HECW1: variants seen among roughly 807,000 people sequenced by gnomAD.
The protein encoded by HECW1 is E3 ubiquitin-protein ligase HECW1.
Under a neutral mutation model 182.3 loss-of-function variants are expected in HECW1, and 61 were observed. That is an observed-to-expected ratio of 0.33 (90% confidence interval 0.27 to 0.41). HECW1 has a LOEUF of 0.41. Ranked by LOEUF, HECW1 falls within the 10% of genes least tolerant of loss-of-function variation. The probability of loss-of-function intolerance (pLI) is 1.00; values close to 1 mark genes in which losing one functional copy is unlikely to be tolerated. For synonymous variants in HECW1, 859 were observed against 832.6 expected, an observed-to-expected ratio of 1.03 and a Z score of -0.55; for missense variants, 1,739 against 2,108.9, an observed-to-expected ratio of 0.82 and a Z score of 3.44.
rs907345349 is a variant in HECW1, at chr7:43,554,585, C to A, written c.4511-7C>A. On this transcript the variant is annotated splice_region_variant and splice_polypyrimidine_tract_variant and intron_variant, in intron 28 of 29. Coordinates refer to ENST00000395891, the MANE Select transcript of HECW1 (RefSeq NM_015052.5). The stretch of plus-strand genomic sequence containing the variant: ...CCTGTCTTCCTCCCTCCCTTTGCCT[C>A]GTGCAGGTTACCACGATGGGCATCT... 2.5e-6 allele frequency: 4 copies of A among 1,609,674 alleles called. No individual in the cohort carries two copies. The highest frequency in any genetic ancestry group is 1.3e-5 in the African/African-American group (1 of 74,872).
chr7:43,315,459 ATTATTG>A (rs570304945), intron 4 of HECW1, among the ~76,000 whole-genome samples: 12,430 of 110,466 alleles, frequency 0.11, 1,659 homozygotes, highest in African/African-American at 0.46. Context: ...CCGTCCCATT[ATTATTG>A]TTATTATTAT....
chr7:43,303,524 A>G (rs1455542396), intron 3 of HECW1, among the ~76,000 whole-genome samples: 3 of 151,976 alleles, frequency 2.0e-5, no homozygotes, highest in Non-Finnish European at 2.9e-5. Flanking sequence ...TGTGGATATT[A>G]TCTGGCTTGG....
intron 6 of HECW1, among the ~76,000 whole-genome samples, chr7:43,388,631 G>GT (rs1344957183): frequency 6.6e-6 from 1 of 152,104 alleles, no homozygotes; most frequent in African/African-American, 2.4e-5. Flanking sequence ...GATATTCTGG[G>GT]TTTTTTTGTT....
intron 8 of HECW1, among the ~76,000 whole-genome samples, chr7:43,422,852 A>T (rs1314990227): frequency 6.6e-6 from 1 of 152,164 alleles, no homozygotes; most frequent in Non-Finnish European, 1.5e-5. Context: ...GGTTAAGCTA[A>T]AAGCCCTGTC....
intron 4 of HECW1, among the ~76,000 whole-genome samples, chr7:43,315,462 A>G (rs1306967942): frequency 2.2e-5 from 2 of 90,336 alleles, no homozygotes; most frequent in African/African-American, 2.8e-4. Flanking sequence ...TCCCATTATT[A>G]TTGTTATTAT....
At chr7:43,463,938 G>C in intron 14 of HECW1, 139 bp downstream of exon 14, 2 of 917,466 alleles carry the variant, frequency 2.2e-6, no homozygotes, top group Non-Finnish European at 3.2e-6. Flanking sequence ...GGAGGACAGA[G>C]GCATGCCTGG....
intron 3 of HECW1, chr7:43,249,599 G>A (rs1799816387): frequency 6.6e-6 from 1 of 152,192 alleles, no homozygotes. Flanking sequence ...GAGACTGTGC[G>A]GTATTCAGGC....
chr7:43,231,699 G>A (rs1215869611), intron 2 of HECW1, among the ~76,000 whole-genome samples: 3 of 152,054 alleles, frequency 2.0e-5, no homozygotes, highest in Non-Finnish European at 4.4e-5. Context: ...ATTGAGGAGG[G>A]CACACAAAAT....
intron 2 of HECW1, among the ~76,000 whole-genome samples, chr7:43,186,562 G>A (rs774347466): frequency 3.3e-5 from 5 of 152,048 alleles, no homozygotes; most frequent in South Asian, 2.1e-4. Context: ...CCAGCTACTC[G>A]GGAGGCTGAG....
At chr7:43,467,466 A>T (rs1159659626) in intron 15 of HECW1, among the ~76,000 whole-genome samples, 1 of 151,954 alleles carries the variant, frequency 6.6e-6, no homozygotes, top group Admixed American at 6.5e-5. Context: ...GAGATTGGGC[A>T]GCAGATCACC....
intron 2 of HECW1, chr7:43,118,566 GA>G (rs1785268592): frequency 6.6e-6 from 1 of 152,194 alleles, no homozygotes; most frequent in African/African-American, 2.4e-5. Flanking sequence ...GAAACCACAG[GA>G]CGCAGTCAGT....
intron 2 of HECW1, among the ~76,000 whole-genome samples, chr7:43,201,636 T>C (rs1413838879): frequency 6.6e-6 from 1 of 152,202 alleles, no homozygotes; most frequent in Non-Finnish European, 1.5e-5. Flanking sequence ...AATTCCACTT[T>C]CCAAGTCTTT....
chr7:43,417,542 C>G (rs1275134940), intron 8 of HECW1, among the ~76,000 whole-genome samples: 1 of 150,990 alleles, frequency 6.6e-6, no homozygotes, highest in African/African-American at 2.5e-5. Flanking sequence ...TCTGGGTTAA[C>G]TGGTATGTTT....
intron 3 of HECW1, among the ~76,000 whole-genome samples, chr7:43,261,829 C>A (rs1328717926): frequency 6.6e-6 from 1 of 152,096 alleles, no homozygotes; most frequent in Non-Finnish European, 1.5e-5. Flanking sequence ...GAGTAACTGG[C>A]AGGTTTTTGC....
chr7:43,356,968 G>A lies in HECW1; in HGVS notation c.461-3918G>A, dbSNP rs75695689. 7.5e-3 allele frequency among the ~76,000 whole-genome samples: 1,138 copies of A among 152,078 alleles called. 8 individuals carry two copies. The highest frequency in any genetic ancestry group is 0.025 in the African/African-American group (1,056 of 41,502). On this transcript the variant is annotated intron_variant, in intron 5 of 29. Transcript: ENST00000395891. Reference sequence around the variant, plus strand: ...ATTTCTTAAAAGAAGACAGACAAATGGCCAACAGATGCATGAAAAAAATGC... The same window carrying A: ...ATTTCTTAAAAGAAGACAGACAAATAGCCAACAGATGCATGAAAAAAATGC...
intron 2 of HECW1, among the ~76,000 whole-genome samples, chr7:43,139,574 CAT>C (rs1256152423): frequency 3.3e-5 from 5 of 152,178 alleles, no homozygotes; most frequent in African/African-American, 1.2e-4. Context: ...GGCGTTTTCA[CAT>C]GATTCGTGCC....
chr7:43,526,360 G>A lies in HECW1; in HGVS notation c.4020-14803G>A, dbSNP rs73100741. On this transcript the variant is annotated intron_variant, in intron 24 of 29. Coordinates refer to ENST00000395891, the MANE Select transcript of HECW1 (RefSeq NM_015052.5). ...CACTCCATGGGAGCATGAGGGCCTT[G>A]TCTATTATGTTCACTAAGTATTCCA... Among the ~76,000 whole-genome samples the A allele has an allele frequency of 3.9e-3, 594 of 152,250 alleles. 1 individual carries two copies. The highest frequency in any genetic ancestry group is 7.0e-3 in the Non-Finnish European group (473 of 68,024).
At chr7:43,468,696 A>T (rs1303985939) in intron 15 of HECW1, among the ~76,000 whole-genome samples, 4 of 151,918 alleles carry the variant, frequency 2.6e-5, no homozygotes, top group African/African-American at 7.3e-5. Context: ...AATTTTTTAA[A>T]TTTTTTGTAG....
At position 43,564,979 on chromosome 7, in the gene HECW1, A is replaced by G. The variant is rs2082295978; in HGVS notation, c.*3053A>G. 1 of 186,418 alleles carries G rather than the reference A, an allele frequency of 5.4e-6. No homozygotes were observed. Among genetic ancestry groups the G allele is most frequent in the East Asian group, 8.7e-5 (1 of 11,550 alleles). 11.5% of individuals were successfully genotyped at this position (186,418 alleles called of 1,614,324 possible). A position where few individuals can be genotyped will look rare whatever the true frequency, so the allele number is the denominator to read the frequency against. On this transcript the variant is annotated 3_prime_UTR_variant, in exon 30 of 30. Transcript: ENST00000395891. ...CAATCTCCCTAAAACAATTGATTTT[A>G]GTAAGAGTGTAACGCCTTTAATCAG...
Sources: allele counts gnomAD v4.1 joint callset (sites outside exome capture counted in the v4.1 genomes callset), GRCh38; gene constraint gnomAD v4.1.1; transcripts MANE v1.5; gene names NCBI Gene and HGNC (gene_info 2026-07-23, HGNC 2026-07-21).